Variants in BRDT observed in about 807,000 individuals in gnomAD.
BRDT encodes the protein bromodomain testis associated, also known as bromodomain testis-specific protein.
A neutral mutation model predicts 113.9 loss-of-function variants in BRDT; 77 were observed. The ratio of observed to expected loss-of-function variants is 0.68; its 90% confidence interval spans 0.56 to 0.82. The LOEUF (loss-of-function observed/expected upper bound fraction) is 0.82. Ranked by LOEUF, BRDT falls within the 40% of genes least tolerant of loss-of-function variation. BRDT has a pLI of 0.00. For synonymous variants in BRDT, 358 were observed against 366.5 expected (o/e 0.98, Z 0.26); for missense variants, 1,027 against 1,105.4 (o/e 0.93, Z 1.01).
chr1:91,964,382 A>G (rs548361914), intron 2 of BRDT, among the ~76,000 whole-genome samples: 5 of 152,116 alleles, frequency 3.3e-5, no homozygotes, highest in Non-Finnish European at 5.9e-5. Context: ...TTTTTATTAG[A>G]GATGGGTTTT....
chr1:91,978,865 G>T (rs1268990559), intron 7 of BRDT, among the ~76,000 whole-genome samples: 2 of 151,762 alleles, frequency 1.3e-5, no homozygotes, highest in Non-Finnish European at 2.9e-5. Context: ...AGCCAGGCAT[G>T]GTGGCGCCTG....
chr1:91,954,090 GC>G (rs1168640246), intron 1 of BRDT, among the ~76,000 whole-genome samples: 1 of 151,950 alleles, frequency 6.6e-6, no homozygotes, highest in Non-Finnish European at 1.5e-5. Context: ...TCCTGCCTCA[GC>G]CTCCCAAGTA....
intron 18 of BRDT, among the ~76,000 whole-genome samples, chr1:92,013,007 G>T (rs543590970): frequency 6.6e-6 from 1 of 152,014 alleles, no homozygotes; most frequent in African/African-American, 2.4e-5. Flanking sequence ...ATCACTTGAG[G>T]TCAGGAGTTC....
In BRDT at chr1:91,977,344, A is replaced by G; in HGVS notation, c.920A>G (p.His307Arg). 1.9e-6 allele frequency: 3 copies of G among 1,612,494 alleles called. No homozygotes were observed. Among genetic ancestry groups the G allele is most frequent in the Non-Finnish European group, 2.5e-6 (3 of 1,179,610 alleles). Residue 307 changes from histidine (H) to arginine (R), a missense_variant, in exon 6 of 19, where the codon CAT becomes CGT. Physicochemically the swap from His to Arg is conservative, Grantham distance 29 (BLOSUM62 0). Coordinates refer to ENST00000399546, the MANE Select transcript of BRDT (RefSeq NM_207189.4). Reference sequence around the variant, plus strand: ...GTTGACGTTAATGCTTTGGGACTCCATAACTACTATGACGTTGTCAAAAAT... The same window carrying G: ...GTTGACGTTAATGCTTTGGGACTCCGTAACTACTATGACGTTGTCAAAAAT... The part of the protein sequence containing the change: ...NPVDVNALGL[H>R]NYYDVVKNPM...
intron 1 of BRDT, among the ~76,000 whole-genome samples, chr1:91,960,419 A>G (rs1682313426): frequency 6.6e-6 from 1 of 152,234 alleles, no homozygotes; most frequent in South Asian, 2.1e-4. Flanking sequence ...AGGGCTTTGT[A>G]TTAGGAAAAA....
At chr1:91,992,159 AT>A (rs1306555739) in intron 13 of BRDT, 104 bp from the exon 14 acceptor site, 1 of 569,264 alleles carries the variant, frequency 1.8e-6, no homozygotes, top group East Asian at 3.5e-5. Context: ...AAACACAATA[AT>A]AAATAATACT....
At chr1:91,996,763 A>G (rs1163771453) in intron 15 of BRDT, among the ~76,000 whole-genome samples, 1 of 152,232 alleles carries the variant, frequency 6.6e-6, no homozygotes, top group Admixed American at 6.5e-5. Flanking sequence ...TGAATGAGCT[A>G]CTGGGAGATT....
At chr1:92,004,895 A>G (rs1687164364) in intron 17 of BRDT, among the ~76,000 whole-genome samples, 1 of 152,188 alleles carries the variant, frequency 6.6e-6, no homozygotes, top group Non-Finnish European at 1.5e-5. Flanking sequence ...TCTATGTGTT[A>G]GAAGATAGTG....
At chr1:91,961,463 CTA>C (rs1263147853) in intron 1 of BRDT, among the ~76,000 whole-genome samples, 1 of 152,050 alleles carries the variant, frequency 6.6e-6, no homozygotes, top group Admixed American at 6.6e-5. Flanking sequence ...AACCCTGTCT[CTA>C]CAAAAAAATA....
At chr1:92,002,941 A>G (rs1190040852) in intron 16 of BRDT, among the ~76,000 whole-genome samples, 3 of 152,054 alleles carry the variant, frequency 2.0e-5, no homozygotes, top group Non-Finnish European at 4.4e-5. Context: ...ATTTTTATAT[A>G]TTTTTTCTCT....
intron 1 of BRDT, among the ~76,000 whole-genome samples, chr1:91,953,505 C>G (rs1681362370): frequency 1.3e-5 from 2 of 151,682 alleles, no homozygotes; most frequent in Admixed American, 1.3e-4. Flanking sequence ...TATGGTGAAA[C>G]CCCGTCTCTA....
chr1:91,973,498 A>G (rs975669564), intron 4 of BRDT, among the ~76,000 whole-genome samples: 1 of 152,192 alleles, frequency 6.6e-6, no homozygotes, highest in African/African-American at 2.4e-5. Flanking sequence ...GGTCCTTCAC[A>G]TCCCTTGTAA....
intron 12 of BRDT, among the ~76,000 whole-genome samples, chr1:91,984,937 C>G (rs1685071706): frequency 6.6e-6 from 1 of 151,782 alleles, no homozygotes; most frequent in Non-Finnish European, 1.5e-5. Flanking sequence ...CCATGCTTGG[C>G]CCATAAATAT....
At chr1:91,976,155 C>T in intron 4 of BRDT, 111 bp from the exon 5 acceptor site, 2 of 1,017,288 alleles carry the variant, frequency 2.0e-6, no homozygotes, top group African/African-American at 1.7e-5. Context: ...AATAAGTATC[C>T]TATGCTTATA....
chr1:92,003,373 A>G (rs1434031359), intron 16 of BRDT, among the ~76,000 whole-genome samples: 1 of 152,152 alleles, frequency 6.6e-6, no homozygotes, highest in Non-Finnish European at 1.5e-5. Context: ...TATTTTTAGA[A>G]ATTCAGCAGA....
chr1:91,995,419 G>C (rs1218953724), intron 15 of BRDT, among the ~76,000 whole-genome samples: 28 of 10,818 alleles, frequency 2.6e-3, no homozygotes, highest in Non-Finnish European at 0.019. Context: ...GTGTGTGTGT[G>C]TGTGTGTGTG....
intron 15 of BRDT, among the ~76,000 whole-genome samples, chr1:91,999,963 C>T (rs950762635): frequency 1.3e-5 from 2 of 152,216 alleles, no homozygotes; most frequent in African/African-American, 4.8e-5. Context: ...GCAGCCTCAA[C>T]CGCCTGGGCT....
At chr1:92,007,006 C>G (rs938930714) in intron 18 of BRDT, among the ~76,000 whole-genome samples, 1 of 152,024 alleles carries the variant, frequency 6.6e-6, no homozygotes, top group Non-Finnish European at 1.5e-5. Flanking sequence ...CAAGGCTGGT[C>G]TCGGACTCCT....
chr1:91,976,990 T>C (rs1684201681), intron 5 of BRDT, 53 bp from the exon 6 acceptor site: 2 of 1,378,110 alleles, frequency 1.5e-6, no homozygotes, highest in Admixed American at 2.5e-5. Flanking sequence ...TAAGGAACTA[T>C]GCTCTGAATA....
Sources: allele counts gnomAD v4.1 joint callset (sites outside exome capture counted in the v4.1 genomes callset), GRCh38; gene constraint gnomAD v4.1.1; transcripts MANE v1.5; gene names NCBI Gene and HGNC (gene_info 2026-07-23, HGNC 2026-07-21).